FAM168A: variants seen among roughly 807,000 people sequenced by gnomAD.
The protein encoded by FAM168A is protein FAM168A.
FAM168A carries 3 observed loss-of-function variants against 28.5 expected under a neutral mutation model. The observed-to-expected ratio is 0.11, with a 90% confidence interval of 0.05 to 0.27. The LOEUF is 0.27. FAM168A is among the 10% of genes least tolerant of loss of function. FAM168A has a pLI of 1.00. For synonymous variants in FAM168A, 122 were observed against 124.2 expected, an observed-to-expected ratio of 0.98 and a Z score of 0.12; for missense variants, 222 against 311.5, an observed-to-expected ratio of 0.71 and a Z score of 2.16.
intron 1 of FAM168A, among the ~76,000 whole-genome samples, chr11:73,535,053 T>A (rs1943560318): frequency 6.6e-6 from 1 of 152,152 alleles, no homozygotes; most frequent in African/African-American, 2.4e-5. Context: ...CCAGCCCTAG[T>A]GGAAAAACCT....
chr11:73,466,602 T>C (rs1867740025), intron 2 of FAM168A, among the ~76,000 whole-genome samples: 1 of 152,174 alleles, frequency 6.6e-6, no homozygotes, highest in Non-Finnish European at 1.5e-5. Flanking sequence ...CATTTGTTTA[T>C]AAATTATCTT....
intron 2 of FAM168A, among the ~76,000 whole-genome samples, chr11:73,442,222 T>G (rs1000173766): frequency 6.6e-6 from 1 of 151,650 alleles, no homozygotes; most frequent in Non-Finnish European, 1.5e-5. Flanking sequence ...ACCTCCCGGA[T>G]TCACGCCATT....
chr11:73,554,294 G>A (rs1160772749), intron 1 of FAM168A, among the ~76,000 whole-genome samples: 3 of 151,864 alleles, frequency 2.0e-5, no homozygotes, highest in Non-Finnish European at 2.9e-5. Context: ...AGAAGATCTC[G>A]AGCCCAGGAG....
intron 1 of FAM168A, among the ~76,000 whole-genome samples, chr11:73,527,027 C>A (rs1342880851): frequency 6.6e-6 from 1 of 152,032 alleles, no homozygotes; most frequent in Admixed American, 6.6e-5. Context: ...TTTTTACTGG[C>A]CAGCCCTCCT....
chr11:73,477,893 A>T (rs889395205), intron 1 of FAM168A, among the ~76,000 whole-genome samples: 1 of 152,050 alleles, frequency 6.6e-6, no homozygotes, highest in Non-Finnish European at 1.5e-5. Flanking sequence ...CCACACACAA[A>T]AATAAAGAGC....
intron 1 of FAM168A, among the ~76,000 whole-genome samples, chr11:73,551,893 C>T (rs2134693049): frequency 6.6e-6 from 1 of 152,340 alleles, no homozygotes; most frequent in Non-Finnish European, 1.5e-5. Context: ...CTATCAGCAG[C>T]AGCAGCCACA....
intron 1 of FAM168A, among the ~76,000 whole-genome samples, chr11:73,555,335 A>G (rs1472071830): frequency 6.6e-6 from 1 of 152,154 alleles, no homozygotes; most frequent in African/African-American, 2.4e-5. Context: ...ATTATAATAA[A>G]GATAAGTGAT....
At chr11:73,501,778 A>C (rs1319808798) in intron 1 of FAM168A, among the ~76,000 whole-genome samples, 8 of 152,186 alleles carry the variant, frequency 5.3e-5, no homozygotes, top group Non-Finnish European at 2.9e-5. Flanking sequence ...CAATTAAAAG[A>C]GCTAGAGAGG....
intron 2 of FAM168A, among the ~76,000 whole-genome samples, chr11:73,448,095 T>TA (rs1299932399): frequency 4.6e-5 from 7 of 152,206 alleles, no homozygotes; most frequent in African/African-American, 1.7e-4. Context: ...GTTGCCAGGG[T>TA]GGAGTACAGT....
At chr11:73,574,264 G>T (rs1284013231) in intron 1 of FAM168A, among the ~76,000 whole-genome samples, 1 of 152,090 alleles carries the variant, frequency 6.6e-6, no homozygotes, top group African/African-American at 2.4e-5. Flanking sequence ...ACAACAGATG[G>T]GAAAGTTGGC....
chr11:73,522,405 C>T (rs759148108), intron 1 of FAM168A, among the ~76,000 whole-genome samples: 13 of 152,018 alleles, frequency 8.6e-5, no homozygotes, highest in Non-Finnish European at 1.3e-4. Flanking sequence ...CTCCAAGCTC[C>T]GGCTCACTGC....
At chr11:73,539,012 G>A (rs1190922119) in intron 1 of FAM168A, among the ~76,000 whole-genome samples, 3 of 152,160 alleles carry the variant, frequency 2.0e-5, no homozygotes, top group Admixed American at 6.5e-5. Context: ...GAGACAAAAA[G>A]GAACTTACAG....
intron 1 of FAM168A, among the ~76,000 whole-genome samples, chr11:73,500,256 CTTTT>C (rs57040993): frequency 4.9e-5 from 6 of 122,586 alleles, no homozygotes; most frequent in Non-Finnish European, 5.1e-5. Context: ...CCCAGAATTC[CTTTT>C]TTTTTTTTTT....
At chr11:73,460,321 A>G (rs942204600) in intron 2 of FAM168A, among the ~76,000 whole-genome samples, 3 of 151,978 alleles carry the variant, frequency 2.0e-5, no homozygotes, top group African/African-American at 7.3e-5. Flanking sequence ...CCTCAAACCC[A>G]TCTCATACTT....
intron 1 of FAM168A, among the ~76,000 whole-genome samples, chr11:73,494,912 A>C (rs1382265434): frequency 6.6e-6 from 1 of 152,082 alleles, no homozygotes. Context: ...CTGAGGCATG[A>C]GAATCACTTG....
At chr11:73,428,855 C>T (rs962474910) in intron 3 of FAM168A, among the ~76,000 whole-genome samples, 2 of 152,200 alleles carry the variant, frequency 1.3e-5, no homozygotes, top group Non-Finnish European at 2.9e-5. Flanking sequence ...AAGGCAATGA[C>T]TACAGCTTCC....
At chr11:73,477,464 C>T (rs1415377561) in intron 1 of FAM168A, among the ~76,000 whole-genome samples, 1 of 151,582 alleles carries the variant, frequency 6.6e-6, no homozygotes. Context: ...ACAACAACAA[C>T]AACACATATT....
chr11:73,410,089 T>C (rs1866581188), intron 5 of FAM168A, among the ~76,000 whole-genome samples: 1 of 151,554 alleles, frequency 6.6e-6, no homozygotes, highest in Admixed American at 6.6e-5. Context: ...AAGTGCATGT[T>C]GTAAAAAAAA....
chr11:73,476,337 TA>T (rs1008167259), intron 1 of FAM168A, among the ~76,000 whole-genome samples: 11 of 150,632 alleles, frequency 7.3e-5, no homozygotes, highest in Non-Finnish European at 1.6e-4. Context: ...AAATAGTAAT[TA>T]AAAAAATATG....
Sources: gnomAD v4.1 joint callset for allele counts (sites outside exome capture counted in the v4.1 genomes callset) on GRCh38, gnomAD v4.1.1 for gene constraint, MANE v1.5 for transcripts, NCBI Gene and HGNC (gene_info 2026-07-23, HGNC 2026-07-21) for gene names.